DNAJC5B: variants seen among roughly 807,000 people sequenced by gnomAD.
The protein encoded by DNAJC5B is dnaJ homolog subfamily C member 5B.
DNAJC5B carries 23 observed loss-of-function variants against 24.7 expected under a neutral mutation model. That is an observed-to-expected ratio of 0.93 (90% CI 0.67 to 1.32). DNAJC5B has a LOEUF of 1.32. Among genes scored for constraint, DNAJC5B ranks in the 40% most tolerant of loss-of-function variants. The pLI is 0.00. For missense variants in DNAJC5B, 238 were observed against 240.8 expected (o/e 0.99, Z 0.08); for synonymous variants, 101 against 90.1 (o/e 1.12, Z -0.68).
At chr8:66,040,581 T>A (rs1479648592) in intron 1 of DNAJC5B, among the ~76,000 whole-genome samples, 1 of 152,174 alleles carries the variant, frequency 6.6e-6, no homozygotes, top group African/African-American at 2.4e-5. Context: ...TTTTCCACAT[T>A]ACTTGACTGG....
At chr8:66,091,177 A>C (rs1052380637) in intron 5 of DNAJC5B, among the ~76,000 whole-genome samples, 2 of 152,220 alleles carry the variant, frequency 1.3e-5, no homozygotes, top group Non-Finnish European at 2.9e-5. Flanking sequence ...ATGAAGACAT[A>C]GTTCCTGGTA....
chr8:66,065,694 G>A (rs1208696510), intron 3 of DNAJC5B, among the ~76,000 whole-genome samples: 1 of 152,156 alleles, frequency 6.6e-6, no homozygotes, highest in African/African-American at 2.4e-5. Flanking sequence ...GACCACAAGA[G>A]GCAATAACAC....
intron 1 of DNAJC5B, among the ~76,000 whole-genome samples, chr8:66,022,084 T>G (rs573601850): frequency 6.6e-6 from 1 of 152,302 alleles, no homozygotes; most frequent in East Asian, 1.9e-4. Flanking sequence ...GGTCAAGTTT[T>G]GAAAGTTCAA....
chr8:66,063,799 T>C (rs1166503901), intron 3 of DNAJC5B, among the ~76,000 whole-genome samples: 3 of 152,248 alleles, frequency 2.0e-5, no homozygotes, highest in African/African-American at 7.2e-5. Context: ...TATTCATTAA[T>C]ATGAACCCTA....
intron 2 of DNAJC5B, among the ~76,000 whole-genome samples, chr8:66,047,809 T>C (rs1019700273): frequency 1.3e-5 from 2 of 152,192 alleles, no homozygotes; most frequent in Admixed American, 6.5e-5. Flanking sequence ...AAGTGAATAA[T>C]GTTTTGTTGA....
intron 3 of DNAJC5B, among the ~76,000 whole-genome samples, chr8:66,054,013 T>C (rs13252592): frequency 0.32 from 47,617 of 150,990 alleles, 11,129 homozygotes; most frequent in African/African-American, 0.65. Context: ...TTAATGGCTG[T>C]GGCCTACGGT....
At chr8:66,036,040 G>A (rs770063987) in intron 1 of DNAJC5B, among the ~76,000 whole-genome samples, 3 of 152,198 alleles carry the variant, frequency 2.0e-5, no homozygotes, top group Non-Finnish European at 2.9e-5. Flanking sequence ...GTTGTTCAGC[G>A]TGATGCAGGG....
In DNAJC5B at chr8:66,021,942, C is replaced by T. The variant is rs1322244562; in HGVS notation, c.-142+237C>T. Among the ~76,000 whole-genome samples the T allele has an allele frequency of 2.0e-5, 3 of 152,066 alleles. No homozygotes were observed. In the South Asian group the frequency reaches 6.2e-4, roughly 32 times the overall value. On this transcript the variant is annotated intron_variant, in intron 1 of 5. Transcript: ENST00000276570. ...TTTTTTTCTTTCAATAGCTCCTCCC[C>T]GGATGACAGGGTAGAGTAAACAAAA... is the stretch of plus-strand genomic sequence containing the variant.
intron 5 of DNAJC5B, among the ~76,000 whole-genome samples, chr8:66,097,385 C>T (rs1807977092): frequency 6.6e-6 from 1 of 151,926 alleles, no homozygotes; most frequent in African/African-American, 2.4e-5. Flanking sequence ...TTGAACAATA[C>T]AAGAATTTTG....
At position 66,080,598 on chromosome 8, in the gene DNAJC5B, G is replaced by A. The variant is rs755561301; in HGVS notation, c.505+50G>A. The A allele has an allele frequency of 6.1e-6, 9 of 1,486,572 alleles. 1 individual carries two copies. The highest frequency in any genetic ancestry group is 1.8e-4 in the Middle Eastern group (1 of 5,566). The allele number at this position is 1,486,572 out of a possible 1,614,324, so 92.1% of individuals were successfully genotyped here. On this transcript the variant is annotated intron_variant, in intron 5 of 5. Transcript: ENST00000276570. ...AGTGAGTGTCCATTCATAGGCCTGA[G>A]CAAGCACCAGGTCCCACGGGGACAG... is the stretch of plus-strand genomic sequence containing the variant.
At chr8:66,074,510 C>G (rs765875540) in intron 3 of DNAJC5B, among the ~76,000 whole-genome samples, 45 of 152,158 alleles carry the variant, frequency 3.0e-4, no homozygotes, top group Non-Finnish European at 2.9e-4. Flanking sequence ...AATGCTATTT[C>G]TAATATTAGC....
intron 2 of DNAJC5B, among the ~76,000 whole-genome samples, chr8:66,048,375 G>T (rs574848457): frequency 1.3e-5 from 2 of 152,166 alleles, no homozygotes; most frequent in Non-Finnish European, 2.9e-5. Flanking sequence ...TACTTTCTTC[G>T]TAGGAAAATG....
At chr8:66,043,246 C>T (rs1806652211) in intron 1 of DNAJC5B, among the ~76,000 whole-genome samples, 1 of 152,030 alleles carries the variant, frequency 6.6e-6, no homozygotes, top group South Asian at 2.1e-4. Context: ...AGCCTTAGAT[C>T]AAAAAGGAAA....
intron 4 of DNAJC5B, among the ~76,000 whole-genome samples, chr8:66,078,045 A>G (rs781307482): frequency 6.6e-6 from 1 of 151,852 alleles, no homozygotes; most frequent in Non-Finnish European, 1.5e-5. Context: ...TGGGAACCCA[A>G]CCTCTGGGCG....
chr8:66,032,940 T>G (rs1405451659), intron 1 of DNAJC5B, among the ~76,000 whole-genome samples: 1 of 152,236 alleles, frequency 6.6e-6, no homozygotes. Flanking sequence ...CGGAGTCCCC[T>G]TCATCGTGAC....
chr8:66,082,629 A>G (rs1372160683), intron 5 of DNAJC5B, among the ~76,000 whole-genome samples: 2 of 152,188 alleles, frequency 1.3e-5, no homozygotes, highest in Admixed American at 6.5e-5. Flanking sequence ...CTGTTTGACT[A>G]TGTTAAGAAT....
intron 3 of DNAJC5B, among the ~76,000 whole-genome samples, chr8:66,054,320 G>C (rs2128960280): frequency 6.6e-6 from 1 of 152,186 alleles, no homozygotes; most frequent in East Asian, 1.9e-4. Flanking sequence ...TATGACTTTT[G>C]TTTTACTATT....
chr8:66,040,665 G>A (rs1184078720), intron 1 of DNAJC5B, among the ~76,000 whole-genome samples: 2 of 151,966 alleles, frequency 1.3e-5, no homozygotes, highest in African/African-American at 2.4e-5. Context: ...CTTTAGAACC[G>A]CCCCATGAGC....
At chr8:66,087,939 G>A (rs1170281731) in intron 5 of DNAJC5B, among the ~76,000 whole-genome samples, 1 of 152,192 alleles carries the variant, frequency 6.6e-6, no homozygotes, top group African/African-American at 2.4e-5. Context: ...TCTGGAGGAT[G>A]GTAGCCTTCT....
Sources: allele counts gnomAD v4.1 joint callset (sites outside exome capture counted in the v4.1 genomes callset), GRCh38; gene constraint gnomAD v4.1.1; transcripts MANE v1.5; gene names NCBI Gene and HGNC (gene_info 2026-07-23, HGNC 2026-07-21).